Variants in UPP2 observed in about 807,000 individuals in gnomAD.
UPP2 encodes the protein uridine phosphorylase 2, also known as UPase 2.
UPP2 carries 23 observed loss-of-function variants against 26.7 expected under a neutral mutation model. The ratio of observed to expected loss-of-function variants is 0.86; its 90% CI spans 0.62 to 1.22. The LOEUF is 1.22. Ranked by LOEUF, UPP2 falls within the 50% of genes most tolerant of loss-of-function variation. The pLI, the probability that UPP2 is intolerant of heterozygous loss-of-function variation, is 0.00. For missense variants in UPP2, 387 were observed against 396.7 expected (o/e 0.98, Z 0.21); for synonymous variants, 127 against 141.3 (o/e 0.90, Z 0.72).
At chr2:158,059,449 T>C (rs935408722) in intron 3 of UPP2, among the ~76,000 whole-genome samples, 4 of 152,360 alleles carry the variant, frequency 2.6e-5, no homozygotes, top group African/African-American at 9.6e-5. Context: ...AACTCAACTA[T>C]TGAACTTTCT....
At chr2:158,082,541 C>T (rs1454180611) in intron 3 of UPP2, among the ~76,000 whole-genome samples, 1 of 152,082 alleles carries the variant, frequency 6.6e-6, no homozygotes. Flanking sequence ...TTCCTTACAC[C>T]TTATACAAAA....
At chr2:158,052,642 C>T (rs963239077) in intron 3 of UPP2, among the ~76,000 whole-genome samples, 3 of 152,114 alleles carry the variant, frequency 2.0e-5, no homozygotes, top group East Asian at 1.9e-4. Context: ...CATCTTTGGG[C>T]GTCAATGTCT....
At chr2:157,996,380 C>T (rs1683324695) in intron 2 of UPP2, among the ~76,000 whole-genome samples, 2 of 152,036 alleles carry the variant, frequency 1.3e-5, no homozygotes, top group Non-Finnish European at 2.9e-5. Context: ...AATTTATTCT[C>T]TCACATATTT....
At chr2:158,096,974 A>C (rs1444499251), upstream of UPP2, among the ~76,000 whole-genome samples, 1 of 152,130 alleles carries the variant, frequency 6.6e-6, no homozygotes, top group Non-Finnish European at 1.5e-5. Flanking sequence ...TACATGGATT[A>C]ATTTTAATGT....
At chr2:158,018,956 C>T (rs2105146729) in intron 3 of UPP2, among the ~76,000 whole-genome samples, 1 of 152,288 alleles carries the variant, frequency 6.6e-6, no homozygotes, top group Middle Eastern at 3.4e-3. Context: ...TAGACAGAAG[C>T]ATGGTCTTGC....
chr2:158,065,849 TCATTG>T, intron 3 of UPP2: 1 of 667,334 alleles, frequency 1.5e-6, no homozygotes, highest in Non-Finnish European at 2.8e-6. Flanking sequence ...GTACTGCTGT[TCATTG>T]CATTGCAGGC....
chr2:158,084,192 T>C (rs34181729), intron 3 of UPP2, among the ~76,000 whole-genome samples: 3,764 of 152,204 alleles, frequency 0.025, 112 homozygotes, highest in East Asian at 0.14. Context: ...ATTTTTTAAT[T>C]ATGGCCATTC....
intron 4 of UPP2, among the ~76,000 whole-genome samples, chr2:158,118,772 T>A (rs893764277): frequency 6.6e-6 from 1 of 151,888 alleles, no homozygotes; most frequent in East Asian, 1.9e-4. Flanking sequence ...AATTAGACAT[T>A]TATGGAGCAA....
At chr2:158,123,940 G>A in intron 6 of UPP2, 45 bp downstream of exon 6, 1 of 1,595,870 alleles carries the variant, frequency 6.3e-7, no homozygotes, top group Non-Finnish European at 8.5e-7. Context: ...CCTCTTTCAT[G>A]AAGCTACTTT....
At chr2:158,102,387 T>A (rs1574291009) in intron 1 of UPP2, among the ~76,000 whole-genome samples, 1 of 152,172 alleles carries the variant, frequency 6.6e-6, no homozygotes, top group South Asian at 2.1e-4. Context: ...TGCAAAAGTT[T>A]AGCCAACCTT....
chr2:158,011,469 TAA>T (rs1683578225), intron 2 of UPP2, among the ~76,000 whole-genome samples: 1 of 151,950 alleles, frequency 6.6e-6, no homozygotes, highest in Admixed American at 6.6e-5. Context: ...TCCTTTCCCA[TAA>T]AGTTTTGAAA....
At chr2:158,124,890 G>A (rs1040974180) in intron 6 of UPP2, among the ~76,000 whole-genome samples, 2 of 152,184 alleles carry the variant, frequency 1.3e-5, no homozygotes, top group African/African-American at 4.8e-5. Flanking sequence ...AAGCAAGCAG[G>A]TGAATTTATG....
upstream of UPP2, among the ~76,000 whole-genome samples, chr2:158,098,166 CAA>C (rs1026497550): frequency 1.3e-5 from 2 of 152,056 alleles, no homozygotes; most frequent in Non-Finnish European, 2.9e-5. Context: ...AGAAAAAGTA[CAA>C]AGAGGGTCTC....
rs548085472 is a variant in UPP2 at position 158,096,002 on chromosome 2, T to C, written c.148-6038T>C. On this transcript the variant is annotated intron_variant, in intron 3 of 9. Transcript: ENST00000605860. ...ATTAAGAACAGAAACATCCTAAAAA[T>C]TGAAGTCAAGTACATGCAGAAGTCA... is the stretch of plus-strand genomic sequence containing the variant. Among the ~76,000 whole-genome samples the C allele has an allele frequency of 1.2e-4, 19 of 152,230 alleles. No individual in the cohort carries two copies. The South Asian group carries it at 3.7e-3, about 30-fold the overall frequency.
At chr2:158,024,412 T>TTG (rs1392417989) in intron 3 of UPP2, among the ~76,000 whole-genome samples, 2 of 152,182 alleles carry the variant, frequency 1.3e-5, no homozygotes, top group Non-Finnish European at 2.9e-5. Flanking sequence ...AAAGATAATC[T>TTG]TAAGAGTCAT....
At chr2:158,053,637 C>G (rs940228271) in intron 3 of UPP2, among the ~76,000 whole-genome samples, 4 of 152,118 alleles carry the variant, frequency 2.6e-5, no homozygotes, top group African/African-American at 9.7e-5. Context: ...AAATCATTAT[C>G]CATACAGTAG....
intron 2 of UPP2, among the ~76,000 whole-genome samples, chr2:158,012,630 T>C (rs1683599149): frequency 6.6e-6 from 1 of 152,172 alleles, no homozygotes; most frequent in Admixed American, 6.5e-5. Flanking sequence ...TAACCACATC[T>C]TTGATCCTTA....
chr2:158,090,221 G>A (rs1469373770), intron 3 of UPP2, among the ~76,000 whole-genome samples: 3 of 152,108 alleles, frequency 2.0e-5, no homozygotes, highest in Non-Finnish European at 2.9e-5. Context: ...ATCAAATGTA[G>A]GCCGGGCACA....
At chr2:158,022,768 A>T (rs749201363) in intron 3 of UPP2, among the ~76,000 whole-genome samples, 11 of 152,192 alleles carry the variant, frequency 7.2e-5, no homozygotes, top group Non-Finnish European at 1.0e-4. Context: ...TACGATAGTC[A>T]GCTTGCATCT....
Sources: gnomAD v4.1 joint callset for allele counts (sites outside exome capture counted in the v4.1 genomes callset) on GRCh38, gnomAD v4.1.1 for gene constraint, MANE v1.5 for transcripts, NCBI Gene and HGNC (gene_info 2026-07-23, HGNC 2026-07-21) for gene names.